Variants in BCR observed in about 807,000 individuals in gnomAD.
BCR encodes BCR activator of RhoGEF and GTPase, also known as breakpoint cluster region protein.
Under a neutral mutation model 138.6 loss-of-function variants are expected in BCR, and 58 were observed. That is an observed-to-expected ratio of 0.42 (90% CI 0.34 to 0.52). The LOEUF (loss-of-function observed/expected upper bound fraction) is 0.52, where lower values mean the gene tolerates loss of function less well. Ranked by LOEUF, BCR falls within the 20% of genes least tolerant of loss-of-function variation. BCR has a pLI of 0.06. For missense variants in BCR, 1,599 were observed against 1,727.2 expected, an observed-to-expected ratio of 0.93 and a Z score of 1.32; for synonymous variants, 786 against 730.1, an observed-to-expected ratio of 1.08 and a Z score of -1.23.
At chr22:23,263,104 T>C in intron 4 of BCR, 2 of 703,338 alleles carry the variant, frequency 2.8e-6, no homozygotes, top group South Asian at 3.8e-5. Flanking sequence ...GGAGGTCAGG[T>C]TTGGGCCTAC....
intron 2 of BCR, among the ~76,000 whole-genome samples, chr22:23,257,139 C>T (rs1165620519): frequency 6.6e-6 from 1 of 152,170 alleles, no homozygotes; most frequent in East Asian, 1.9e-4. Flanking sequence ...TCTGCATGGA[C>T]TTGGCTGATT....
chr22:23,280,675 G>A (rs570435551), intron 8 of BCR, among the ~76,000 whole-genome samples: 3 of 152,300 alleles, frequency 2.0e-5, no homozygotes, highest in South Asian at 2.1e-4. Context: ...GGGTGGGCTC[G>A]GGACAGTGAA....
chr22:23,181,823 T>C lies in BCR; in HGVS notation c.863T>C (p.Met288Thr). ...CAGAGCATCTACGTCGGGGGCATGA[T>C]GGAAGGGGAGGGCAAGGGCCCGCTC... Reference protein sequence around the residue: ...PYQSIYVGGMMEGEGKGPLLR... With the variant: ...PYQSIYVGGMTEGEGKGPLLR... The change falls in exon 1 of 23, where the codon ATG (methionine) becomes ACG (threonine). Residue 288 changes from methionine (M) to threonine (T), a missense_variant. By Grantham distance (81) the Met-to-Thr change is moderately conservative. Transcript: ENST00000305877. The C allele has an allele frequency of 6.2e-7, 1 of 1,611,116 alleles. No individual in the cohort carries two copies. Among genetic ancestry groups the C allele is most frequent in the Non-Finnish European group, 8.5e-7 (1 of 1,179,832 alleles).
intron 1 of BCR, among the ~76,000 whole-genome samples, chr22:23,237,769 A>G (rs527378874): frequency 6.6e-6 from 1 of 152,360 alleles, no homozygotes; most frequent in African/African-American, 2.4e-5. Context: ...GAGACGGACC[A>G]GATTGCCATG....
At chr22:23,289,678 T>C (rs2073761863) in intron 13 of BCR, 57 bp downstream of exon 13, 3 of 1,433,880 alleles carry the variant, frequency 2.1e-6, no homozygotes, top group Non-Finnish European at 2.9e-6. Flanking sequence ...GCAGCTAGCC[T>C]GAAGGCTGAT....
At chr22:23,254,574 C>CA (rs767645714) in intron 2 of BCR, 2 of 518,920 alleles carry the variant, frequency 3.9e-6, no homozygotes, top group African/African-American at 1.9e-5. Flanking sequence ...CCCACGCCCC[C>CA]CCTCACATGA....
At chr22:23,188,483 G>C (rs1466308845) in intron 1 of BCR, among the ~76,000 whole-genome samples, 1 of 152,204 alleles carries the variant, frequency 6.6e-6, no homozygotes, top group Non-Finnish European at 1.5e-5. Flanking sequence ...CCAGGACAAA[G>C]AGCCCAGGTG....
intron 8 of BCR, among the ~76,000 whole-genome samples, chr22:23,282,733 G>A (rs1466684665): frequency 2.0e-5 from 3 of 152,208 alleles, no homozygotes; most frequent in African/African-American, 7.2e-5. Context: ...CCTGCGGGGA[G>A]ACACTGGGTT....
chr22:23,181,952 A>G lies in BCR; in HGVS notation c.992A>G (p.Asp331Gly), dbSNP rs1193632023. Residue 331 changes from aspartate (D) to glycine (G), a missense_variant, in exon 1 of 23, where the codon GAC (aspartate) becomes GGC (glycine). This residue lies in a region of BCR where 806 missense variants were observed against 635.0 expected (regional missense o/e 1.27). Transcript: ENST00000305877. ...GATTGCGGAGGCGGCTATACCCCGGACTGCAGCTCCAATGAGAACCTCACC... is the reference window on the plus strand; with the variant it reads ...GATTGCGGAGGCGGCTATACCCCGGGCTGCAGCTCCAATGAGAACCTCACC... ...FEDCGGGYTP[D>G]CSSNENLTSS... 5 of 1,612,808 alleles carry G rather than the reference A, an allele frequency of 3.1e-6. No individual in the cohort carries two copies. In the Admixed American group the frequency reaches 8.3e-5, roughly 27 times the overall value.
intron 4 of BCR, chr22:23,263,166 G>A (rs1306242772): frequency 2.6e-6 from 2 of 778,538 alleles, no homozygotes; most frequent in African/African-American, 3.5e-5. Flanking sequence ...GGAGGAGGAG[G>A]AGGCGGCTCG....
At position 23,316,126 on chromosome 22, in the gene BCR, G is replaced by T. The variant is rs1291588354; in HGVS notation, c.*604G>T. 7.0e-5 allele frequency: 12 copies of T among 170,280 alleles called. No homozygotes were observed. Among genetic ancestry groups the T allele is most frequent in the Admixed American group, 1.5e-4 (2 of 13,052 alleles). The allele number at this position is 170,280 out of a possible 1,614,324, so 10.5% of individuals were successfully genotyped here. A position where few individuals can be genotyped will look rare whatever the true frequency, so the allele number is the denominator to read the frequency against. On this transcript the variant is annotated 3_prime_UTR_variant, in exon 23 of 23. Coordinates refer to ENST00000305877, the MANE Select transcript of BCR (RefSeq NM_004327.4). ...CAGAAGGATTTTTGTGCAGAAATGG[G>T]TCTTTTGTTGCCATGTTAGTCCTCC...
intron 11 of BCR, among the ~76,000 whole-genome samples, chr22:23,287,529 TA>T (rs1197968979): frequency 2.0e-5 from 3 of 152,312 alleles, no homozygotes; most frequent in Middle Eastern, 3.4e-3. Flanking sequence ...CAGGGGAGCC[TA>T]GCAGGTTTGT....
intron 1 of BCR, among the ~76,000 whole-genome samples, chr22:23,209,745 G>A (rs1008547174): frequency 1.2e-4 from 19 of 152,042 alleles, no homozygotes; most frequent in South Asian, 6.3e-4. Context: ...GGGTTTCACC[G>A]TGTTAGCCAG....
At position 23,230,991 on chromosome 22, in the gene BCR, C is replaced by T. The variant is rs991197789; in HGVS notation, c.1280-22808C>T. ...CGGGGCCCGACTCACCCTCACCATGCACCAGGCCAGTTATGGTTTCTTTCT... is the reference window on the plus strand; with the variant it reads ...CGGGGCCCGACTCACCCTCACCATGTACCAGGCCAGTTATGGTTTCTTTCT... On this transcript the variant is annotated intron_variant, in intron 1 of 22. Coordinates refer to ENST00000305877, the MANE Select transcript of BCR (RefSeq NM_004327.4). 2.6e-5 allele frequency among the ~76,000 whole-genome samples: 4 copies of T among 152,336 alleles called. No individual in the cohort carries two copies. In the South Asian group the frequency reaches 8.3e-4, roughly 32 times the overall value.
At chr22:23,215,955 G>T (rs923158281) in intron 1 of BCR, among the ~76,000 whole-genome samples, 1 of 152,170 alleles carries the variant, frequency 6.6e-6, no homozygotes, top group South Asian at 2.1e-4. Context: ...GAATTACCAC[G>T]TTCCCTTTAA....
At chr22:23,209,544 T>TTTTTATTTTATTTTATTTTATTTTA (rs371375678) in intron 1 of BCR, among the ~76,000 whole-genome samples, 4 of 151,494 alleles carry the variant, frequency 2.6e-5, no homozygotes, top group African/African-American at 7.3e-5. Context: ...TATTTATTCA[T>TTTTTATTTTATTTTATTTTATTTTA]TTTTATTTTA....
intron 1 of BCR, among the ~76,000 whole-genome samples, chr22:23,247,842 C>G (rs1485413269): frequency 6.6e-6 from 1 of 152,190 alleles, no homozygotes; most frequent in East Asian, 1.9e-4. Flanking sequence ...CTGGCTTATT[C>G]CACTAAGCAG....
rs2074063600 is a variant in BCR at position 23,315,683 on chromosome 22, C to G, written c.*161C>G. On this transcript the variant is annotated 3_prime_UTR_variant, in exon 23 of 23. Transcript: ENST00000305877. The stretch of plus-strand genomic sequence containing the variant: ...GACCCAAAGCCGAAGGACAGGTGGC[C>G]TGGAAAGATCCCGCCCAGGTCTGGG... 3 of 761,488 alleles carry G rather than the reference C, an allele frequency of 3.9e-6. No homozygotes were observed. Among genetic ancestry groups the G allele is most frequent in the South Asian group, 2.9e-5 (2 of 67,970 alleles). 47.2% of individuals were successfully genotyped at this position (761,488 alleles called of 1,614,324 possible).
intron 1 of BCR, among the ~76,000 whole-genome samples, chr22:23,206,921 TC>T (rs922347438): frequency 2.8e-5 from 4 of 144,086 alleles, no homozygotes; most frequent in African/African-American, 1.2e-4. Context: ...AATCTATTCA[TC>T]CCTCTGTCAT....
Sources: gnomAD v4.1 joint callset for allele counts (sites outside exome capture counted in the v4.1 genomes callset) on GRCh38, gnomAD v4.1.1 for gene constraint, gnomAD v4.1.1 regional missense constraint, MANE v1.5 for transcripts, NCBI Gene and HGNC (gene_info 2026-07-23, HGNC 2026-07-21) for gene names.